Variants in CDKAL1 observed in about 807,000 individuals in gnomAD.
The protein encoded by CDKAL1 is threonylcarbamoyladenosine tRNA methylthiotransferase.
A neutral mutation model predicts 68.2 loss-of-function variants in CDKAL1; 32 were observed. The observed-to-expected ratio is 0.47, with a 90% CI of 0.35 to 0.63. The LOEUF is 0.63. CDKAL1 is among the 30% of genes least tolerant of loss of function. The pLI is 0.00. For missense variants in CDKAL1, 606 were observed against 696.7 expected (o/e 0.87, Z 1.47); for synonymous variants, 234 against 244.3 (o/e 0.96, Z 0.39).
chr6:20,535,863 T>C (rs6927356), intron 2 of CDKAL1, among the ~76,000 whole-genome samples: 25,442 of 152,170 alleles, frequency 0.17, 2,558 homozygotes, highest in African/African-American at 0.28. Context: ...TGGTGTATTA[T>C]TGTGGTTTGG....
chr6:20,837,856 A>G (rs906755545), intron 8 of CDKAL1, among the ~76,000 whole-genome samples: 10 of 151,622 alleles, frequency 6.6e-5, no homozygotes, highest in African/African-American at 2.4e-4. Context: ...GTACCTAAAA[A>G]GAAAAAACAA....
chr6:20,901,699 A>AAG (rs1554137983), intron 9 of CDKAL1, among the ~76,000 whole-genome samples: 7 of 75,944 alleles, frequency 9.2e-5, no homozygotes, highest in East Asian at 4.6e-4. Context: ...AAAAAAAAAA[A>AAG]AAAAGAAAAG....
intron 5 of CDKAL1, among the ~76,000 whole-genome samples, chr6:20,665,762 A>G (rs973851352): frequency 6.6e-6 from 1 of 152,056 alleles, no homozygotes; most frequent in Non-Finnish European, 1.5e-5. Flanking sequence ...ATTTTATTCC[A>G]GGAGCTACTA....
At chr6:21,020,925 C>T (rs942500542) in intron 11 of CDKAL1, among the ~76,000 whole-genome samples, 1 of 151,830 alleles carries the variant, frequency 6.6e-6, no homozygotes, top group Non-Finnish European at 1.5e-5. Flanking sequence ...GACACAGGTA[C>T]TATTATGTAA....
intron 13 of CDKAL1, among the ~76,000 whole-genome samples, chr6:21,182,942 T>C (rs1231730072): frequency 1.3e-5 from 2 of 152,174 alleles, no homozygotes; most frequent in African/African-American, 2.4e-5. Context: ...AAAAAAATCA[T>C]TATCATTACC....
At chr6:21,197,416 G>A (rs1667432995) in intron 13 of CDKAL1, among the ~76,000 whole-genome samples, 1 of 152,148 alleles carries the variant, frequency 6.6e-6, no homozygotes, top group South Asian at 2.1e-4. Flanking sequence ...CATGACTGCA[G>A]CAAAGAGACA....
chr6:21,196,340 A>C (rs1778470207), intron 13 of CDKAL1, among the ~76,000 whole-genome samples: 1 of 152,240 alleles, frequency 6.6e-6, no homozygotes, highest in Non-Finnish European at 1.5e-5. Context: ...TACTTCAGTG[A>C]TACCCAATAT....
chr6:20,710,942 C>T (rs1771816624), intron 5 of CDKAL1, among the ~76,000 whole-genome samples: 1 of 152,140 alleles, frequency 6.6e-6, no homozygotes, highest in African/African-American at 2.4e-5. Flanking sequence ...AAACATTCAA[C>T]CTCTGTAAGC....
chr6:21,206,230 TACC>T (rs1200869594), intron 15 of CDKAL1, among the ~76,000 whole-genome samples: 1 of 152,074 alleles, frequency 6.6e-6, no homozygotes, highest in Non-Finnish European at 1.5e-5. Flanking sequence ...TCTTTTTGTA[TACC>T]AGAGTAAACT....
chr6:20,572,353 A>C (rs902002329), intron 4 of CDKAL1, among the ~76,000 whole-genome samples: 2 of 152,160 alleles, frequency 1.3e-5, no homozygotes, highest in Non-Finnish European at 2.9e-5. Context: ...TAATGAGTAC[A>C]TTACTTTTAC....
chr6:21,012,700 C>T (rs905044966), intron 11 of CDKAL1, among the ~76,000 whole-genome samples: 1 of 152,176 alleles, frequency 6.6e-6, no homozygotes, highest in African/African-American at 2.4e-5. Context: ...TCTGATGGCC[C>T]CTGGCTTTCC....
intron 13 of CDKAL1, among the ~76,000 whole-genome samples, chr6:21,144,509 G>A (rs1776068571): frequency 6.6e-6 from 1 of 152,018 alleles, no homozygotes; most frequent in Non-Finnish European, 1.5e-5. Flanking sequence ...AGATAGGCCA[G>A]GCATGGTGGC....
chr6:21,141,943 A>G (rs1011408554), intron 13 of CDKAL1, among the ~76,000 whole-genome samples: 2 of 152,148 alleles, frequency 1.3e-5, no homozygotes, highest in Non-Finnish European at 2.9e-5. Context: ...TACTGAAAAC[A>G]TTGGTGCTTG....
At chr6:20,714,898 CTG>C (rs1038448233) in intron 5 of CDKAL1, among the ~76,000 whole-genome samples, 15 of 152,054 alleles carry the variant, frequency 9.9e-5, no homozygotes, top group Non-Finnish European at 1.0e-4. Flanking sequence ...ATTTGTTAAA[CTG>C]TTTTTATTTT....
In CDKAL1 at chr6:20,711,198, G is replaced by A. The variant is rs150337350; in HGVS notation, c.372-28321G>A. ...CCTCGGTGTATACAGTGATTGTAGAGAAGAGTATTTCTGTTTTGAAATATA... is the reference window on the plus strand; with the variant it reads ...CCTCGGTGTATACAGTGATTGTAGAAAAGAGTATTTCTGTTTTGAAATATA... On this transcript the variant is annotated intron_variant, in intron 5 of 15. Coordinates refer to ENST00000274695, the MANE Select transcript of CDKAL1 (RefSeq NM_017774.3). Among the ~76,000 whole-genome samples, 628 of 152,298 alleles carry A rather than the reference G, an allele frequency of 4.1e-3. 12 individuals are homozygous for A. Among genetic ancestry groups the A allele is most frequent in the Admixed American group, 0.024 (365 of 15,296 alleles).
intron 13 of CDKAL1, among the ~76,000 whole-genome samples, chr6:21,154,476 TA>T (rs1363734231): frequency 6.6e-5 from 10 of 152,364 alleles, no homozygotes; most frequent in African/African-American, 2.4e-4. Context: ...ACCAAAATTT[TA>T]TCAATATCTG....
At chr6:21,012,113 G>A (rs1768057437) in intron 11 of CDKAL1, among the ~76,000 whole-genome samples, 1 of 152,178 alleles carries the variant, frequency 6.6e-6, no homozygotes, top group Admixed American at 6.5e-5. Flanking sequence ...AGGAAGGCAA[G>A]GGGCAAACAA....
At chr6:20,768,597 G>A (rs1171680906) in intron 7 of CDKAL1, among the ~76,000 whole-genome samples, 1 of 152,084 alleles carries the variant, frequency 6.6e-6, no homozygotes, top group Non-Finnish European at 1.5e-5. Context: ...GTAATGCCCA[G>A]TTCTTGGACT....
chr6:20,602,610 G>A (rs1259680337), intron 4 of CDKAL1, among the ~76,000 whole-genome samples: 2 of 152,196 alleles, frequency 1.3e-5, no homozygotes, highest in Non-Finnish European at 2.9e-5. Context: ...ATTGATGGTA[G>A]ATGAACAGGT....
Sources: gnomAD v4.1 joint callset for allele counts (sites outside exome capture counted in the v4.1 genomes callset) on GRCh38, gnomAD v4.1.1 for gene constraint, MANE v1.5 for transcripts, NCBI Gene and HGNC (gene_info 2026-07-23, HGNC 2026-07-21) for gene names.